ARID1B: variants seen among roughly 807,000 people sequenced by gnomAD.
The protein encoded by ARID1B is AT-rich interaction domain 1B, also known as AT-rich interactive domain-containing protein 1B.
Under a neutral mutation model 212.3 loss-of-function variants are expected in ARID1B, and 30 were observed. That is an observed-to-expected ratio of 0.14 (90% CI 0.11 to 0.19). The LOEUF is 0.19. Among genes scored for constraint, ARID1B ranks in the 10% least tolerant of loss-of-function variants. The pLI, the probability that ARID1B is intolerant of heterozygous loss-of-function variation, is 1.00. For missense variants in ARID1B, 2,891 were observed against 3,204.0 expected, an observed-to-expected ratio of 0.90 and a Z score of 2.36; for synonymous variants, 1,402 against 1,301.7, an observed-to-expected ratio of 1.08 and a Z score of -1.66.
At chr6:156,820,498 G>A (rs577284434) in intron 1 of ARID1B, among the ~76,000 whole-genome samples, 1 of 152,324 alleles carries the variant, frequency 6.6e-6, no homozygotes, top group East Asian at 1.9e-4. Flanking sequence ...GAGTGGTTTA[G>A]CTCTGCCTTC....
At chr6:156,869,527 A>T (rs190927735) in intron 2 of ARID1B, among the ~76,000 whole-genome samples, 3 of 152,332 alleles carry the variant, frequency 2.0e-5, no homozygotes, top group East Asian at 3.9e-4. Flanking sequence ...CATATATTTG[A>T]TTTGCCTGAA....
chr6:157,189,043 A>G (rs1793173162), intron 13 of ARID1B, among the ~76,000 whole-genome samples: 1 of 152,248 alleles, frequency 6.6e-6, no homozygotes, highest in Non-Finnish European at 1.5e-5. Flanking sequence ...TTCATAGGTC[A>G]AAAAGTGACA....
At chr6:156,796,364 T>G (rs1780379198) in intron 1 of ARID1B, among the ~76,000 whole-genome samples, 1 of 151,834 alleles carries the variant, frequency 6.6e-6, no homozygotes, top group Non-Finnish European at 1.5e-5. Flanking sequence ...ACCTGCTTTT[T>G]AGGCTTTTGC....
At chr6:156,866,734 A>C (rs1032991383) in intron 2 of ARID1B, among the ~76,000 whole-genome samples, 2 of 152,236 alleles carry the variant, frequency 1.3e-5, no homozygotes, top group Non-Finnish European at 1.5e-5. Context: ...TTTGTAATTT[A>C]TGTTAATATG....
chr6:157,186,959 G>T (rs1793017687), intron 13 of ARID1B, among the ~76,000 whole-genome samples: 1 of 152,158 alleles, frequency 6.6e-6, no homozygotes, highest in Admixed American at 6.5e-5. Flanking sequence ...CTTGGCCCCT[G>T]GGGCTGCACC....
chr6:157,036,405 A>G (rs1419093234), intron 4 of ARID1B: 1 of 164,736 alleles, frequency 6.1e-6, no homozygotes, highest in Non-Finnish European at 1.3e-5. Context: ...TGATCTGAGC[A>G]GGACAAGAAT....
intron 13 of ARID1B, chr6:157,186,475 G>A (rs527333760): frequency 3.0e-4 from 140 of 471,108 alleles, no homozygotes; most frequent in African/African-American, 2.2e-3. Flanking sequence ...TCTGGGGGTC[G>A]CAGGCAGAGG....
intron 2 of ARID1B, among the ~76,000 whole-genome samples, chr6:156,832,284 G>A (rs550288853): frequency 9.2e-5 from 14 of 152,316 alleles, no homozygotes; most frequent in Non-Finnish European, 1.8e-4. Context: ...TTCACAAACA[G>A]GGTCCTGGCA....
intron 4 of ARID1B, among the ~76,000 whole-genome samples, chr6:157,015,055 C>T (rs1583148437): frequency 6.6e-6 from 1 of 152,152 alleles, no homozygotes; most frequent in East Asian, 1.9e-4. Flanking sequence ...CATTTGATGC[C>T]ACGTGTCTTT....
At chr6:156,965,932 A>G (rs1369645457) in intron 4 of ARID1B, among the ~76,000 whole-genome samples, 1 of 152,140 alleles carries the variant, frequency 6.6e-6, no homozygotes, top group Non-Finnish European at 1.5e-5. Flanking sequence ...AATTACTAAG[A>G]TGTATTATTT....
At chr6:157,019,431 C>T (rs940639623) in intron 4 of ARID1B, among the ~76,000 whole-genome samples, 59 of 152,156 alleles carry the variant, frequency 3.9e-4, no homozygotes, top group African/African-American at 1.4e-3. Flanking sequence ...GAAGCTGAGG[C>T]CCAGAGATGC....
intron 6 of ARID1B, among the ~76,000 whole-genome samples, chr6:157,120,548 A>G (rs1283925491): frequency 6.6e-6 from 1 of 152,246 alleles, no homozygotes; most frequent in Admixed American, 6.5e-5. Context: ...ATAAACACTG[A>G]ACATAGTTAA....
In ARID1B at chr6:157,130,320, A is replaced by G. The variant is rs114667631; in HGVS notation, c.2582-2708A>G. Among the ~76,000 whole-genome samples, 233 of 152,366 alleles carry G rather than the reference A, an allele frequency of 1.5e-3. 2 individuals carry two copies. The highest frequency in any genetic ancestry group is 5.2e-3 in the African/African-American group (216 of 41,582). ...AAAAGCAATCGTTCTTTTCAAAGAA[A>G]GTAAGGGGAGACCCACATGATCTCT... is the stretch of plus-strand genomic sequence containing the variant. On this transcript the variant is annotated intron_variant, in intron 6 of 19. Coordinates refer to ENST00000636930, the MANE Select transcript of ARID1B (RefSeq NM_001374828.1).
chr6:157,125,552 C>T (rs776693787), intron 6 of ARID1B, among the ~76,000 whole-genome samples: 14 of 152,194 alleles, frequency 9.2e-5, no homozygotes, highest in Non-Finnish European at 1.9e-4. Context: ...GCTGTCTGGC[C>T]AGATTTGCCC....
Position 157,031,488 on chromosome 6 carries a change from G to C in ARID1B, c.2248-53174G>C, listed in dbSNP as rs544140905. ...CTGGAAATTTAATCAATTTCTTGTTGATTGTTACTAGCCTCCTCTCCTCAC... is the reference window on the plus strand; with the variant it reads ...CTGGAAATTTAATCAATTTCTTGTTCATTGTTACTAGCCTCCTCTCCTCAC... On this transcript the variant is annotated intron_variant, in intron 4 of 19. Coordinates refer to ENST00000636930, the MANE Select transcript of ARID1B (RefSeq NM_001374828.1). Among the ~76,000 whole-genome samples, 9 of 152,272 alleles carry C rather than the reference G, an allele frequency of 5.9e-5. No individual in the cohort carries two copies. The South Asian group carries it at 1.9e-3, about 32-fold the overall frequency.
At chr6:157,050,235 G>C (rs78677206) in intron 4 of ARID1B, among the ~76,000 whole-genome samples, 2 of 152,100 alleles carry the variant, frequency 1.3e-5, no homozygotes, top group Non-Finnish European at 2.9e-5. Context: ...AAGAACAACA[G>C]ATAACTCAAT....
intron 3 of ARID1B, among the ~76,000 whole-genome samples, chr6:156,917,214 C>T (rs971115631): frequency 6.6e-6 from 1 of 152,010 alleles, no homozygotes; most frequent in East Asian, 1.9e-4. Context: ...GGCTTTTATA[C>T]GTATAGTTTC....
chr6:156,798,159 G>A (rs923567779), intron 1 of ARID1B, among the ~76,000 whole-genome samples: 2 of 152,264 alleles, frequency 1.3e-5, no homozygotes, highest in Non-Finnish European at 2.9e-5. Flanking sequence ...TTTGCTGGAA[G>A]AGGGTGGAGC....
At chr6:156,882,070 C>G (rs1025867273) in intron 2 of ARID1B, among the ~76,000 whole-genome samples, 54 of 152,184 alleles carry the variant, frequency 3.5e-4, no homozygotes, top group African/African-American at 1.2e-3. Flanking sequence ...AAATTCTGCC[C>G]CATCACTGCT....
Sources: allele counts gnomAD v4.1 joint callset (sites outside exome capture counted in the v4.1 genomes callset), GRCh38; gene constraint gnomAD v4.1.1; transcripts MANE v1.5; gene names NCBI Gene and HGNC (gene_info 2026-07-23, HGNC 2026-07-21).